Variants in ADGRV1 observed in about 807,000 individuals in gnomAD.
The protein encoded by ADGRV1 is adhesion G protein-coupled receptor V1.
ADGRV1 carries 359 observed loss-of-function variants against 596.2 expected under a neutral mutation model. The observed-to-expected ratio is 0.60, with a 90% CI of 0.55 to 0.66. The LOEUF is 0.66. Ranked by LOEUF, ADGRV1 falls within the 30% of genes least tolerant of loss-of-function variation. ADGRV1 has a pLI of 0.00. For synonymous variants in ADGRV1, 2,681 were observed against 2,679.2 expected (o/e 1.00, Z -0.02); for missense variants, 7,274 against 7,575.6 (o/e 0.96, Z 1.48).
rs563358382 is a variant in ADGRV1 at position 91,137,911 on chromosome 5, G to A, written c.18433-12119G>A. On this transcript the variant is annotated intron_variant, in intron 87 of 89. Transcript: ENST00000405460. ...AAGAGAGAACTTAAATTGCTGGCTGGTTAGAATCTGGATTTACGTAAGGAT... is the reference window on the plus strand; with the variant it reads ...AAGAGAGAACTTAAATTGCTGGCTGATTAGAATCTGGATTTACGTAAGGAT... 2.0e-5 allele frequency among the ~76,000 whole-genome samples: 3 copies of A among 152,340 alleles called. No homozygotes were observed. In the East Asian group the frequency reaches 5.8e-4, roughly 29 times the overall value.
chr5:90,783,623 A>G (rs1309347641), intron 66 of ADGRV1, among the ~76,000 whole-genome samples: 2 of 152,214 alleles, frequency 1.3e-5, no homozygotes, highest in African/African-American at 4.8e-5. Context: ...TAAGCAATTA[A>G]AAAGAGGGCA....
chr5:91,004,743 A>G (rs1306678817), intron 85 of ADGRV1, among the ~76,000 whole-genome samples: 3 of 152,162 alleles, frequency 2.0e-5, no homozygotes, highest in Non-Finnish European at 2.9e-5. Context: ...ATGCTGGAAA[A>G]CACTGGGGCT....
intron 21 of ADGRV1, among the ~76,000 whole-genome samples, chr5:90,666,622 T>C (rs909370201): frequency 1.8e-4 from 25 of 139,090 alleles, no homozygotes; most frequent in African/African-American, 7.0e-4. Flanking sequence ...TTAAAGTTAG[T>C]ATTGTTATGT....
Position 90,985,538 on chromosome 5 carries a change from C to A in ADGRV1, c.18152+16C>A, listed in dbSNP as rs748627790. 9 of 1,599,434 alleles carry A rather than the reference C, an allele frequency of 5.6e-6. No individual in the cohort carries two copies. The highest frequency in any genetic ancestry group is 1.3e-5 in the African/African-American group (1 of 74,760). On this transcript the variant is annotated intron_variant, in intron 85 of 89. Coordinates refer to ENST00000405460, the MANE Select transcript of ADGRV1 (RefSeq NM_032119.4). ...ATGGTGACCTGTAAGTACACCCAGG[C>A]AACACATTGCCCTAGCTTTCATGTA... is the stretch of plus-strand genomic sequence containing the variant.
At chr5:90,959,797 A>T (rs1562001113) in intron 83 of ADGRV1, among the ~76,000 whole-genome samples, 1 of 152,218 alleles carries the variant, frequency 6.6e-6, no homozygotes, top group Non-Finnish European at 1.5e-5. Context: ...AAAAGAGCAC[A>T]TATGCCTATA....
chr5:90,792,247 A>T (rs1225703050), intron 70 of ADGRV1: 1 of 152,240 alleles, frequency 6.6e-6, no homozygotes, highest in African/African-American at 2.4e-5. Context: ...AATCAACTCC[A>T]TGAAGGCTTG....
chr5:90,734,581 ATTTTT>A, intron 50 of ADGRV1, among the ~76,000 whole-genome samples: 1 of 101,102 alleles, frequency 9.9e-6, no homozygotes, highest in African/African-American at 3.8e-5. Context: ...TCTTTAGCCT[ATTTTT>A]TTTTTTTTTT....
chr5:90,561,139 T>G (rs942628451), intron 1 of ADGRV1, among the ~76,000 whole-genome samples: 4 of 152,146 alleles, frequency 2.6e-5, no homozygotes, highest in African/African-American at 9.7e-5. Context: ...TTATCCTGAT[T>G]TGCAAATGAA....
chr5:90,692,483 T>G (rs1746607773), intron 31 of ADGRV1, 122 bp from the exon 32 acceptor site: 2 of 719,504 alleles, frequency 2.8e-6, no homozygotes, highest in Non-Finnish European at 4.5e-6. Flanking sequence ...TTAGTCCATT[T>G]ATATTTCATT....
intron 21 of ADGRV1, among the ~76,000 whole-genome samples, chr5:90,671,242 G>A (rs1772424952): frequency 6.6e-6 from 1 of 152,142 alleles, no homozygotes; most frequent in Middle Eastern, 3.2e-3. Context: ...ACTGACCCCT[G>A]TCTCTGCTAC....
chr5:90,658,446 T>C (rs1355896534), intron 21 of ADGRV1, among the ~76,000 whole-genome samples, 168 bp downstream of exon 21: 3 of 152,202 alleles, frequency 2.0e-5, no homozygotes, highest in Non-Finnish European at 2.9e-5. Flanking sequence ...CTTACTCTTA[T>C]GAGTTCACCC....
intron 84 of ADGRV1, among the ~76,000 whole-genome samples, chr5:90,976,318 GTGTGTATATATATATA>G (rs1172955456): frequency 1.7e-5 from 2 of 120,804 alleles, no homozygotes; most frequent in Admixed American, 8.5e-5. Flanking sequence ...GTGTGTGTGT[GTGTGTATATATATATA>G]TATATATATA....
chr5:91,039,278 G>A (rs1562126837), intron 85 of ADGRV1, among the ~76,000 whole-genome samples: 1 of 152,182 alleles, frequency 6.6e-6, no homozygotes, highest in Non-Finnish European at 1.5e-5. Flanking sequence ...CTGTTGTCCT[G>A]CTCCATGACT....
intron 70 of ADGRV1, among the ~76,000 whole-genome samples, chr5:90,793,905 G>A (rs1013851143): frequency 2.0e-5 from 3 of 152,158 alleles, no homozygotes; most frequent in Non-Finnish European, 4.4e-5. Flanking sequence ...TTCCAGGATT[G>A]TGGTGTAAGA....
At chr5:90,938,774 G>A (rs950145895) in intron 83 of ADGRV1, among the ~76,000 whole-genome samples, 4 of 152,148 alleles carry the variant, frequency 2.6e-5, no homozygotes, top group African/African-American at 9.7e-5. Context: ...CTGAAACACT[G>A]AAGAAAGTAT....
Position 90,612,968 on chromosome 5 carries a change from T to C in ADGRV1, c.23-1867T>C, listed in dbSNP as rs137906641. ...TTAAATGCATATTCCTGGTCCTCAC[T>C]TTAGACTCACTGAATCAGAATTTTT... On this transcript the variant is annotated intron_variant, in intron 1 of 89. Coordinates refer to ENST00000405460, the MANE Select transcript of ADGRV1 (RefSeq NM_032119.4). Among the ~76,000 whole-genome samples the C allele has an allele frequency of 1.2e-4, 18 of 152,228 alleles. No individual in the cohort carries two copies. The East Asian group carries it at 3.5e-3, about 29-fold the overall frequency.
At chr5:90,812,886 C>G (rs990590967) in intron 74 of ADGRV1, among the ~76,000 whole-genome samples, 1 of 151,874 alleles carries the variant, frequency 6.6e-6, no homozygotes, top group African/African-American at 2.4e-5. Flanking sequence ...AATCCCAGCA[C>G]TTTGGGAGGC....
rs999758389 is a variant in ADGRV1 at position 90,965,462 on chromosome 5, G to T, written c.17904G>T (p.Glu5968Asp). Reference protein sequence around the residue: ...SAYASPQLAEESCSAMAAVTH... With the variant: ...SAYASPQLAEDSCSAMAAVTH... ...ACGCAAGTCCCCAACTCGCTGAGGA[G>T]AGCTGTTCAGCTATGGCTGCTGTCA... Residue 5968 changes from glutamate to aspartate, a missense_variant, in exon 84 of 90, where the codon GAG (glutamate) becomes GAT (aspartate). Physicochemically the swap from Glu to Asp is conservative, Grantham distance 45. Coordinates refer to ENST00000405460, the MANE Select transcript of ADGRV1 (RefSeq NM_032119.4). 1.9e-6 allele frequency: 3 copies of T among 1,613,746 alleles called. No individual in the cohort carries two copies. The highest frequency in any genetic ancestry group is 1.7e-6 in the Non-Finnish European group (2 of 1,179,768).
chr5:90,812,304 T>G (rs1365186253), intron 74 of ADGRV1, among the ~76,000 whole-genome samples: 2 of 152,318 alleles, frequency 1.3e-5, no homozygotes, highest in South Asian at 2.1e-4. Context: ...TGACAGGCTA[T>G]CTCATGATTC....
Sources: allele counts gnomAD v4.1 joint callset (sites outside exome capture counted in the v4.1 genomes callset), GRCh38; gene constraint gnomAD v4.1.1; transcripts MANE v1.5; gene names NCBI Gene and HGNC (gene_info 2026-07-23, HGNC 2026-07-21).